CUX1: variants seen among roughly 807,000 people sequenced by gnomAD.
The protein encoded by CUX1 is protein CASP.
A neutral mutation model predicts 158.8 loss-of-function variants in CUX1; 31 were observed. The observed-to-expected ratio is 0.20, with a 90% CI of 0.15 to 0.26. The LOEUF is 0.26. Among genes scored for constraint, CUX1 ranks in the 10% least tolerant of loss-of-function variants. The pLI is 1.00. For synonymous variants in CUX1, 879 were observed against 862.1 expected (o/e 1.02, Z -0.34); for missense variants, 1,589 against 2,014.6 (o/e 0.79, Z 4.04).
intron 23 of CUX1, 86 bp downstream of exon 23, chr7:102,239,670 A>C: frequency 1.3e-6 from 2 of 1,487,636 alleles, no homozygotes. Context: ...CACAGGGGTG[A>C]GGCTGGGGCC....
In CUX1 at chr7:101,869,833, C is replaced by T. The variant is rs182557603; in HGVS notation, c.31-46282C>T. 9.2e-5 allele frequency among the ~76,000 whole-genome samples: 14 copies of T among 152,278 alleles called. No individual in the cohort carries two copies. Among genetic ancestry groups the T allele is most frequent in the Admixed American group, 3.3e-4 (5 of 15,294 alleles). ...TTCAGCTTTCCCCGTGGCTCCCCTC[C>T]GCCAAATCTTAAATCCTCTTGTTAA... is the stretch of plus-strand genomic sequence containing the variant. On this transcript the variant is annotated intron_variant, in intron 1 of 23. Transcript: ENST00000292535. The surrounding 1 kb of genome is among the most constrained non-coding windows in gnomAD (Gnocchi z 4.5).
chr7:101,829,777 G>C (rs1284785454), intron 1 of CUX1, among the ~76,000 whole-genome samples: 1 of 152,172 alleles, frequency 6.6e-6, no homozygotes, highest in South Asian at 2.1e-4. Flanking sequence ...CGCAGAGAAG[G>C]GTCATCTGAT....
chr7:102,145,896 G>A (rs184760931), intron 8 of CUX1, among the ~76,000 whole-genome samples: 4 of 152,212 alleles, frequency 2.6e-5, no homozygotes, highest in East Asian at 3.9e-4. Flanking sequence ...GCGGTGAGTC[G>A]AGATCGTGCC....
chr7:102,009,317 A>T (rs1195196424), intron 2 of CUX1, among the ~76,000 whole-genome samples: 1 of 152,140 alleles, frequency 6.6e-6, no homozygotes, highest in Non-Finnish European at 1.5e-5. Context: ...TGGTGTTAGG[A>T]TCCCTCCACG....
intron 1 of CUX1, among the ~76,000 whole-genome samples, chr7:101,831,872 G>C (rs1002515951): frequency 5.9e-5 from 9 of 152,090 alleles, no homozygotes; most frequent in Admixed American, 5.9e-4. Context: ...TTCCCGAGTA[G>C]CTGGAATTAC....
chr7:101,855,751 G>A (rs747064672), intron 1 of CUX1, among the ~76,000 whole-genome samples: 6 of 151,926 alleles, frequency 3.9e-5, no homozygotes, highest in Non-Finnish European at 7.4e-5. Context: ...AGTGGCAGAC[G>A]CCTGTAATCC....
intron 2 of CUX1, among the ~76,000 whole-genome samples, chr7:101,988,241 G>A (rs539245364): frequency 4.6e-5 from 7 of 151,704 alleles, no homozygotes; most frequent in African/African-American, 1.7e-4. Context: ...GCTGTTCTCC[G>A]TGAGTCAGCC....
intron 2 of CUX1, among the ~76,000 whole-genome samples, chr7:101,994,979 G>A (rs1165405252): frequency 1.3e-5 from 2 of 151,722 alleles, no homozygotes; most frequent in Non-Finnish European, 2.9e-5. Flanking sequence ...TGCCATTAGT[G>A]TCAGTTATTT....
chr7:102,095,756 A>AGCCATCTCACAAGTGACACTGGC (rs1447733921), intron 4 of CUX1, among the ~76,000 whole-genome samples: 2 of 152,226 alleles, frequency 1.3e-5, no homozygotes, highest in East Asian at 1.9e-4. Context: ...AAATCTCTGC[A>AGCCATCTCACAAGTGACACTGGC]GCCATCTCAC....
intron 2 of CUX1, among the ~76,000 whole-genome samples, chr7:101,963,639 C>T (rs1329105012): frequency 6.6e-6 from 1 of 152,106 alleles, no homozygotes; most frequent in African/African-American, 2.4e-5. Context: ...TACCTGTCAA[C>T]ACAAGCCTAT....
chr7:102,257,782 A>G lies in CUX1; in HGVS notation c.*8740A>G. On this transcript the variant is annotated 3_prime_UTR_variant, in exon 24 of 24. Coordinates refer to ENST00000292535, the MANE Select transcript of CUX1 (RefSeq NM_181552.4). ...TATTTTATATTTTCTGTAACGCACC[A>G]AGTCTTAGATCTTTCTAGAGCTTGT... The G allele has an allele frequency of 2.0e-6, 2 of 984,724 alleles. No individual in the cohort carries two copies. Among genetic ancestry groups the G allele is most frequent in the South Asian group, 9.4e-5 (2 of 21,258 alleles). 61.0% of individuals were successfully genotyped at this position (984,724 alleles called of 1,614,324 possible). A position where few individuals can be genotyped will look rare whatever the true frequency, so the allele number is the denominator to read the frequency against.
intron 13 of CUX1, among the ~76,000 whole-genome samples, chr7:102,195,001 G>A (rs1309135430): frequency 1.3e-5 from 2 of 151,852 alleles, no homozygotes; most frequent in Non-Finnish European, 2.9e-5. Context: ...TCCAGCCTGG[G>A]CGACAGAGTG....
At chr7:102,014,012 TG>T (rs1818322935) in intron 2 of CUX1, among the ~76,000 whole-genome samples, 1 of 152,220 alleles carries the variant, frequency 6.6e-6, no homozygotes, top group Non-Finnish European at 1.5e-5. Flanking sequence ...GCCTGTTTTT[TG>T]TTTTAATCTG....
chr7:102,024,357 C>T (rs1197035838), intron 2 of CUX1, among the ~76,000 whole-genome samples: 1 of 152,172 alleles, frequency 6.6e-6, no homozygotes, highest in Non-Finnish European at 1.5e-5. Flanking sequence ...GACAGAGTCT[C>T]ACTCTGTCAC....
Position 102,178,493 on chromosome 7 carries a change from C to T in CUX1, c.853C>T (p.Arg285Cys), listed in dbSNP as rs781913263. ...GGAGCAGGCCATAGAGGTGCTGACC[C>T]GCTCCAGCCTAGAAGTTGAGTTGGC... is the stretch of plus-strand genomic sequence containing the variant. ...DVEQAIEVLT[R>C]SSLEVELAAK... Residue 285 changes from arginine to cysteine, a missense_variant, in exon 11 of 24, where the codon CGC (arginine) becomes TGC (cysteine). By Grantham distance (180) the Arg-to-Cys change is radical (BLOSUM62 -3). This residue lies in a region of CUX1 where 515 missense variants were observed against 574.4 expected (regional missense o/e 0.90). Coordinates refer to ENST00000292535, the MANE Select transcript of CUX1 (RefSeq NM_181552.4). 11 of 1,609,278 alleles carry T rather than the reference C, an allele frequency of 6.8e-6. No individual in the cohort carries two copies. In the Admixed American group the frequency reaches 1.2e-4, roughly 17 times the overall value.
At chr7:101,984,820 G>A (rs1814069513) in intron 2 of CUX1, among the ~76,000 whole-genome samples, 1 of 152,162 alleles carries the variant, frequency 6.6e-6, no homozygotes, top group South Asian at 2.1e-4. Context: ...ACGAGGGCAT[G>A]GCAAACAGTT....
intron 2 of CUX1, among the ~76,000 whole-genome samples, chr7:102,015,079 T>C (rs957149511): frequency 6.6e-6 from 1 of 152,132 alleles, no homozygotes; most frequent in African/African-American, 2.4e-5. Flanking sequence ...TATGTGCTGA[T>C]TATGAACCTA....
In CUX1 at chr7:102,192,958, C is replaced by T. The variant is rs6967143; in HGVS notation, c.1077-884C>T. 3.6e-3 allele frequency among the ~76,000 whole-genome samples: 547 copies of T among 152,304 alleles called. 2 individuals carry two copies. Among genetic ancestry groups the T allele is most frequent in the African/African-American group, 0.013 (526 of 41,566 alleles). On this transcript the variant is annotated intron_variant, in intron 12 of 23. Coordinates refer to ENST00000292535, the MANE Select transcript of CUX1 (RefSeq NM_181552.4). ...GGACTCACTGAGACAGCCCAGAGAC[C>T]GTAGTGATCAGGGTGCGGCCCTTTT...
At chr7:101,855,773 G>A (rs1209711658) in intron 1 of CUX1, among the ~76,000 whole-genome samples, 3 of 151,900 alleles carry the variant, frequency 2.0e-5, no homozygotes, top group Non-Finnish European at 4.4e-5. Flanking sequence ...AGCTACTCGG[G>A]AGGCTGAGGC....
Sources: allele counts gnomAD v4.1 joint callset (sites outside exome capture counted in the v4.1 genomes callset), GRCh38; gene constraint gnomAD v4.1.1; regional missense constraint gnomAD v4.1.1; non-coding constraint Gnocchi (gnomAD v3.1); transcripts MANE v1.5; gene names NCBI Gene and HGNC (gene_info 2026-07-23, HGNC 2026-07-21).